Variants in IFI16 observed in about 807,000 individuals in gnomAD.
The protein encoded by IFI16 is interferon gamma inducible protein 16.
In IFI16, 49 loss-of-function variants were observed where a neutral mutation model predicts 68.4. The observed-to-expected ratio is 0.72, with a 90% confidence interval of 0.57 to 0.91. The LOEUF (loss-of-function observed/expected upper bound fraction) is 0.91, where lower values mean the gene tolerates loss of function less well. Among genes scored for constraint, IFI16 ranks in the 40% least tolerant of loss-of-function variants. The probability of loss-of-function intolerance (pLI) is 0.00; values close to 1 mark genes in which losing one functional copy is unlikely to be tolerated. For synonymous variants in IFI16, 307 were observed against 315.0 expected, an observed-to-expected ratio of 0.97 and a Z score of 0.27; for missense variants, 878 against 942.9, an observed-to-expected ratio of 0.93 and a Z score of 0.90.
intron 3 of IFI16, 62 bp downstream of exon 3, chr1:159,016,049 C>G (rs1652905269): frequency 9.9e-7 from 1 of 1,006,312 alleles, no homozygotes; most frequent in Non-Finnish European, 1.6e-6. Context: ...TACGGCTCTT[C>G]CACTCAATCT....
Position 159,032,701 on chromosome 1 carries a change from C to T in IFI16, c.1329+10C>T. On this transcript the variant is annotated intron_variant, in intron 7 of 11. Transcript: ENST00000295809. The stretch of plus-strand genomic sequence containing the variant: ...CAGTTTCTTCACCAAGGTACAATTT[C>T]CTGGGTCCCATGCCTCATGTCTCCC... The T allele has an allele frequency of 6.3e-7, 1 of 1,578,814 alleles. No homozygotes were observed. The highest frequency in any genetic ancestry group is 8.6e-7 in the Non-Finnish European group (1 of 1,166,014).
At chr1:159,016,020 C>G in intron 3 of IFI16, 33 bp downstream of exon 3, 1 of 1,394,034 alleles carries the variant, frequency 7.2e-7, no homozygotes, top group Non-Finnish European at 1.0e-6. Context: ...GGCTTCAAGT[C>G]CCACAGAGGA....
At chr1:159,005,815 G>A (rs1652233133), upstream of IFI16, 1 of 152,226 alleles carries the variant, frequency 6.6e-6, no homozygotes, top group South Asian at 2.1e-4. Flanking sequence ...CCTTAGCAAT[G>A]TGGAACAGAT....
chr1:159,046,009 G>A (rs1210684620), intron 8 of IFI16, among the ~76,000 whole-genome samples: 7 of 150,946 alleles, frequency 4.6e-5, no homozygotes, highest in African/African-American at 9.7e-5. Flanking sequence ...ATCACATTAC[G>A]CATATTTTTC....
chr1:159,005,697 AC>A (rs1339233312), upstream of IFI16, among the ~76,000 whole-genome samples: 11 of 152,302 alleles, frequency 7.2e-5, no homozygotes, highest in South Asian at 1.2e-3. Context: ...TGTTGTGAAA[AC>A]GTGTTCTGGG....
chr1:159,046,295 T>C (rs534324993), intron 8 of IFI16, among the ~76,000 whole-genome samples: 1 of 151,346 alleles, frequency 6.6e-6, no homozygotes, highest in South Asian at 2.1e-4. Context: ...ACTAATGTCA[T>C]GGCTATTGTA....
At position 159,022,010 on chromosome 1, in the gene IFI16, C is replaced by T. The variant is rs1318154835; in HGVS notation, c.1161+1481C>T. On this transcript the variant is annotated intron_variant, in intron 6 of 11. Transcript: ENST00000295809. ...ACAGAGTCTTGCTCTTTTGCCCAGG[C>T]GGGAGTGCAGTGGCGCTATCTCGGC... Among the ~76,000 whole-genome samples, 11 of 118,324 alleles carry T rather than the reference C, an allele frequency of 9.3e-5. No individual in the cohort carries two copies. In the South Asian group the frequency reaches 1.4e-3, roughly 15 times the overall value. 77.6% of individuals were successfully genotyped at this position (118,324 alleles called of 152,430 possible).
At position 159,050,663 on chromosome 1, in the gene IFI16, C is replaced by A. The variant is rs536613298; in HGVS notation, c.1666-1016C>A. 2.6e-5 allele frequency among the ~76,000 whole-genome samples: 4 copies of A among 152,212 alleles called. No individual in the cohort carries two copies. In the East Asian group the frequency reaches 7.8e-4, roughly 30 times the overall value. On this transcript the variant is annotated intron_variant, in intron 9 of 11. Coordinates refer to ENST00000295809, the MANE Select transcript of IFI16 (RefSeq NM_001376587.1). Reference sequence around the variant, plus strand: ...TTGATCCCTTCTTGCCTCCATACCTCCTCTTCCAGATCAGCAGCCCCTCCA... The same window carrying A: ...TTGATCCCTTCTTGCCTCCATACCTACTCTTCCAGATCAGCAGCCCCTCCA...
chr1:159,048,097 C>T (rs904157121), intron 8 of IFI16, among the ~76,000 whole-genome samples: 1 of 150,068 alleles, frequency 6.7e-6, no homozygotes, highest in African/African-American at 2.4e-5. Flanking sequence ...AGGGGCTTCT[C>T]TCCTATTATG....
intron 5 of IFI16, among the ~76,000 whole-genome samples, chr1:159,019,023 C>T (rs12057410): frequency 0.043 from 6,566 of 152,172 alleles, 306 homozygotes; most frequent in African/African-American, 0.12. Context: ...ATAAAAATCA[C>T]ATTATTTTTA....
At chr1:159,006,442 G>C (rs1372310932), upstream of IFI16, among the ~76,000 whole-genome samples, 1 of 152,152 alleles carries the variant, frequency 6.6e-6, no homozygotes, top group Non-Finnish European at 1.5e-5. Flanking sequence ...GTTTTATGTT[G>C]TTATCTTTTT....
intron 6 of IFI16, among the ~76,000 whole-genome samples, chr1:159,021,691 A>G (rs1187712758): frequency 2.0e-5 from 3 of 152,208 alleles, no homozygotes; most frequent in Admixed American, 6.5e-5. Context: ...TGTTTACTAT[A>G]GTAGTTCTAC....
At chr1:159,019,466 CTTT>C (rs201187989) in intron 5 of IFI16, among the ~76,000 whole-genome samples, 4 of 143,722 alleles carry the variant, frequency 2.8e-5, no homozygotes, top group African/African-American at 1.0e-4. Flanking sequence ...TGTACACAGT[CTTT>C]TTTTTTTTTT....
chr1:159,009,220 A>G (rs1336780360), upstream of IFI16: 1 of 152,198 alleles, frequency 6.6e-6, no homozygotes, highest in Admixed American at 6.5e-5. Flanking sequence ...GAATCTAATC[A>G]TTGAGGTAAA....
chr1:159,035,303 G>A (rs2101881663), intron 7 of IFI16, among the ~76,000 whole-genome samples: 1 of 152,306 alleles, frequency 6.6e-6, no homozygotes, highest in East Asian at 1.9e-4. Flanking sequence ...TGTGGAAGGA[G>A]CCCTTGCTCA....
chr1:159,021,774 A>T (rs1653332401), intron 6 of IFI16, among the ~76,000 whole-genome samples: 1 of 151,912 alleles, frequency 6.6e-6, no homozygotes, highest in Admixed American at 6.6e-5. Context: ...GTTTTTTAAA[A>T]TTTTTTGATT....
chr1:159,026,456 G>A (rs1299335831), intron 6 of IFI16, among the ~76,000 whole-genome samples: 1 of 151,944 alleles, frequency 6.6e-6, no homozygotes, highest in Non-Finnish European at 1.5e-5. Flanking sequence ...TTGCCACCAC[G>A]CCTGGCTAAT....
rs1422610324 is a variant in IFI16, at chr1:159,046,867, A to T, written c.1497+1403A>T. Among the ~76,000 whole-genome samples, 3 of 151,366 alleles carry T rather than the reference A, an allele frequency of 2.0e-5. No homozygotes were observed. The South Asian group carries it at 6.2e-4, about 31-fold the overall frequency. On this transcript the variant is annotated intron_variant, in intron 8 of 11. Transcript: ENST00000295809. ...TAGAGCATTTATCATAGCTATAATA[A>T]ACCTATGACTTTCTTCCCTACTCAG...
chr1:159,013,952 T>G (rs1197683950), intron 1 of IFI16, among the ~76,000 whole-genome samples: 5 of 151,824 alleles, frequency 3.3e-5, no homozygotes. Context: ...GAGAGAAAAC[T>G]GATTGTGCGA....
Sources: allele counts gnomAD v4.1 joint callset (sites outside exome capture counted in the v4.1 genomes callset), GRCh38; gene constraint gnomAD v4.1.1; transcripts MANE v1.5; gene names NCBI Gene and HGNC (gene_info 2026-07-23, HGNC 2026-07-21).